The following SLC31A1 variants were observed in gnomAD, a reference collection of about 807,000 sequenced individuals.
SLC31A1 encodes the protein high affinity copper uptake protein 1.
Under a neutral mutation model 17.2 loss-of-function variants are expected in SLC31A1, and 5 were observed. The ratio of observed to expected loss-of-function variants is 0.29; its 90% CI spans 0.15 to 0.61. The LOEUF (loss-of-function observed/expected upper bound fraction) is 0.61. SLC31A1 is among the 20% of genes least tolerant of loss of function. The pLI is 0.86. For missense variants in SLC31A1, 161 were observed against 241.4 expected, an observed-to-expected ratio of 0.67 and a Z score of 2.21; for synonymous variants, 76 against 78.8, an observed-to-expected ratio of 0.96 and a Z score of 0.19.
intron 1 of SLC31A1, chr9:113,223,366 C>G (rs904817916): frequency 1.3e-4 from 47 of 359,750 alleles, no homozygotes; most frequent in Non-Finnish European, 2.3e-4. Context: ...TTCCTAAATT[C>G]GTGTATCTTC....
intron 2 of SLC31A1, 189 bp downstream of exon 2, chr9:113,256,466 A>C: frequency 1.8e-6 from 1 of 565,488 alleles, no homozygotes; most frequent in Non-Finnish European, 3.0e-6. Flanking sequence ...GAGTCACACC[A>C]GAACCAAGAT....
At chr9:113,232,676 TAAAAA>T (rs35958459) in intron 1 of SLC31A1, among the ~76,000 whole-genome samples, 2 of 129,168 alleles carry the variant, frequency 1.5e-5, no homozygotes, top group Admixed American at 7.9e-5. Flanking sequence ...TACTAAAAAT[TAAAAA>T]AAAAAAAAAA....
chr9:113,254,229 C>T (rs985379628), intron 1 of SLC31A1, among the ~76,000 whole-genome samples: 5 of 152,156 alleles, frequency 3.3e-5, no homozygotes, highest in African/African-American at 1.2e-4. Flanking sequence ...GCTGGGATAA[C>T]AGGCATGAGC....
At chr9:113,260,240 C>T (rs376625263) in intron 4 of SLC31A1, 32 bp from the exon 5 acceptor site, 1 of 1,593,860 alleles carries the variant, frequency 6.3e-7, no homozygotes, top group Admixed American at 1.7e-5. Context: ...TCCTAGGAGT[C>T]CCTGATTGTT....
At chr9:113,244,745 G>A (rs1236173649) in intron 1 of SLC31A1, among the ~76,000 whole-genome samples, 1 of 152,172 alleles carries the variant, frequency 6.6e-6, no homozygotes, top group Admixed American at 6.6e-5. Flanking sequence ...TCTAAGATTT[G>A]TATGTGGGCG....
At position 113,260,755 on chromosome 9, in the gene SLC31A1, G is replaced by A. The variant is rs1831784236; in HGVS notation, c.*282G>A. On this transcript the variant is annotated 3_prime_UTR_variant, in exon 5 of 5. Coordinates refer to ENST00000374212, the MANE Select transcript of SLC31A1 (RefSeq NM_001859.4). ...TCTTTTCCTTCTCCATCATCTTAGA[G>A]CCAAGTTATATGTTCTTGTCTAATC... The A allele has an allele frequency of 2.2e-6, 1 of 458,906 alleles. No homozygotes were observed. The highest frequency in any genetic ancestry group is 2.0e-5 in the African/African-American group (1 of 50,336). The allele number at this position is 458,906 out of a possible 1,614,324, so 28.4% of individuals were successfully genotyped here. A position where few individuals can be genotyped will look rare whatever the true frequency, so the allele number is the denominator to read the frequency against.
chr9:113,221,898 G>A (rs1397932432), intron 1 of SLC31A1, among the ~76,000 whole-genome samples: 1 of 152,222 alleles, frequency 6.6e-6, no homozygotes, highest in African/African-American at 2.4e-5. Flanking sequence ...CCCCGTGTAT[G>A]CAACCGGCCA....
At chr9:113,226,624 G>A (rs1329248490) in intron 1 of SLC31A1, among the ~76,000 whole-genome samples, 1 of 152,112 alleles carries the variant, frequency 6.6e-6, no homozygotes, top group Non-Finnish European at 1.5e-5. Flanking sequence ...TTTACACAAT[G>A]GCCCTAGGCT....
rs56013452 is a variant in SLC31A1, at chr9:113,249,298, CAAAAAAAAA to C, written c.-35-6806_-35-6798del. On this transcript the variant is annotated intron_variant, in intron 1 of 4. Coordinates refer to ENST00000374212, the MANE Select transcript of SLC31A1 (RefSeq NM_001859.4). Reference sequence around the variant, plus strand: ...AAGAAAACTAGTATACCTCAATTGGCAAAAAAAAAAAAAAAAAAGTAAATGAAAGGGCAG... The same window carrying C: ...AAGAAAACTAGTATACCTCAATTGGCAAAAAAAAAGTAAATGAAAGGGCAG... Among the ~76,000 whole-genome samples the C allele has an allele frequency of 7.1e-4, 84 of 118,042 alleles. No individual in the cohort carries two copies. The East Asian group carries it at 0.019, about 27-fold the overall frequency. The allele number at this position is 118,042 out of a possible 152,430, so 77.4% of individuals were successfully genotyped here. A position where few individuals can be genotyped will look rare whatever the true frequency, so the allele number is the denominator to read the frequency against.
At chr9:113,225,149 C>T (rs1026421957) in intron 1 of SLC31A1, among the ~76,000 whole-genome samples, 4 of 152,208 alleles carry the variant, frequency 2.6e-5, no homozygotes, top group Admixed American at 6.5e-5. Context: ...GCACACTTCA[C>T]AGAGGGGGAA....
chr9:113,250,539 GA>G (rs1388105809), intron 1 of SLC31A1, among the ~76,000 whole-genome samples: 1 of 133,456 alleles, frequency 7.5e-6, no homozygotes, highest in Non-Finnish European at 1.6e-5. Context: ...GGGGTTGGGG[GA>G]GGGGGGAGGG....
chr9:113,243,890 A>T (rs1298560339), intron 1 of SLC31A1, among the ~76,000 whole-genome samples: 1 of 152,166 alleles, frequency 6.6e-6, no homozygotes, highest in African/African-American at 2.4e-5. Flanking sequence ...GCAGTGGCTC[A>T]CGCCTGTAAT....
chr9:113,248,458 A>G (rs1831608254), intron 1 of SLC31A1, among the ~76,000 whole-genome samples: 1 of 138,106 alleles, frequency 7.2e-6, no homozygotes, highest in South Asian at 2.4e-4. Context: ...ACTTGAAAGC[A>G]GTCCTTTTTT....
At position 113,262,921 on chromosome 9, in the gene SLC31A1, A is replaced by G. The variant is rs1177335903; in HGVS notation, c.*2448A>G. 2 of 152,636 alleles carry G rather than the reference A, an allele frequency of 1.3e-5. No individual in the cohort carries two copies. The highest frequency in any genetic ancestry group is 4.8e-5 in the African/African-American group (2 of 41,466). 9.5% of individuals were successfully genotyped at this position (152,636 alleles called of 1,614,324 possible). A position where few individuals can be genotyped will look rare whatever the true frequency, so the allele number is the denominator to read the frequency against. On this transcript the variant is annotated 3_prime_UTR_variant, in exon 5 of 5. Transcript: ENST00000374212. Reference sequence around the variant, plus strand: ...ATGCCTGTAATCCCAACACTTTGGGAGGCCAAGGTGGGAGGATGGCTTGTG... The same window carrying G: ...ATGCCTGTAATCCCAACACTTTGGGGGGCCAAGGTGGGAGGATGGCTTGTG...
Position 113,262,797 on chromosome 9 carries a change from GT to G in SLC31A1, c.*2325del, listed in dbSNP as rs1338540361. On this transcript the variant is annotated 3_prime_UTR_variant, in exon 5 of 5. Coordinates refer to ENST00000374212, the MANE Select transcript of SLC31A1 (RefSeq NM_001859.4). ...AATAAATAGGAATCAATAGTTAGTA[GT>G]GACATTGGTGCTCTCTAGAAATCTC... is the stretch of plus-strand genomic sequence containing the variant. The G allele has an allele frequency of 6.5e-6, 1 of 152,672 alleles. No homozygotes were observed. Among genetic ancestry groups the G allele is most frequent in the African/African-American group, 2.4e-5 (1 of 41,460 alleles). The allele number at this position is 152,672 out of a possible 1,614,324, so 9.5% of individuals were successfully genotyped here.
rs1463726828 is a variant in SLC31A1 at position 113,252,882 on chromosome 9, C to G, written c.-35-3232C>G. On this transcript the variant is annotated intron_variant, in intron 1 of 4. Coordinates refer to ENST00000374212, the MANE Select transcript of SLC31A1 (RefSeq NM_001859.4). Reference sequence around the variant, plus strand: ...TGGAAGAGAACAGTATTTGTGTCTTCTGCCTCTAGCTCTTTATGAGGATGT... The same window carrying G: ...TGGAAGAGAACAGTATTTGTGTCTTGTGCCTCTAGCTCTTTATGAGGATGT... 2.0e-5 allele frequency among the ~76,000 whole-genome samples: 3 copies of G among 151,690 alleles called. No homozygotes were observed. In the East Asian group the frequency reaches 5.8e-4, roughly 29 times the overall value.
chr9:113,259,175 G>C (rs567634171), intron 4 of SLC31A1, among the ~76,000 whole-genome samples: 50 of 152,284 alleles, frequency 3.3e-4, no homozygotes, highest in Middle Eastern at 3.4e-3. Flanking sequence ...TTCAGATCAA[G>C]ATATAAAAGA....
intron 1 of SLC31A1, among the ~76,000 whole-genome samples, chr9:113,236,662 C>T (rs1334966846): frequency 2.0e-5 from 3 of 152,260 alleles, no homozygotes; most frequent in East Asian, 3.9e-4. Flanking sequence ...ACACCCGGCC[C>T]TCACTGAAAC....
intron 1 of SLC31A1, among the ~76,000 whole-genome samples, chr9:113,244,490 T>A (rs936870918): frequency 6.6e-6 from 1 of 152,138 alleles, no homozygotes; most frequent in Non-Finnish European, 1.5e-5. Flanking sequence ...AGAAAATATC[T>A]CCATCTGTCA....
Sources: allele counts gnomAD v4.1 joint callset (sites outside exome capture counted in the v4.1 genomes callset), GRCh38; gene constraint gnomAD v4.1.1; transcripts MANE v1.5; gene names NCBI Gene and HGNC (gene_info 2026-07-23, HGNC 2026-07-21).